KCND3: variants seen among roughly 807,000 people sequenced by gnomAD.
The protein encoded by KCND3 is A-type voltage-gated potassium channel KCND3.
In KCND3, 9 loss-of-function variants were observed where a neutral mutation model predicts 51.1. The observed-to-expected ratio is 0.18, with a 90% CI of 0.11 to 0.31. KCND3 has a LOEUF of 0.31. Ranked by LOEUF, KCND3 falls within the 10% of genes least tolerant of loss-of-function variation. KCND3 has a pLI of 1.00. For synonymous variants in KCND3, 349 were observed against 368.0 expected (o/e 0.95, Z 0.59); for missense variants, 526 against 903.8 (o/e 0.58, Z 5.36).
In KCND3 at chr1:111,812,863, C is replaced by T. The variant is rs530040354; in HGVS notation, c.1107-25757G>A. On this transcript the variant is annotated intron_variant, in intron 2 of 7. Coordinates refer to ENST00000302127, the MANE Select transcript of KCND3 (RefSeq NM_001378969.1). ...CACACACTACTGCTGTCCCATCCCTCGGATTTCTCTTGCTTGGTTCTGGCA... is the reference window on the plus strand; with the variant it reads ...CACACACTACTGCTGTCCCATCCCTTGGATTTCTCTTGCTTGGTTCTGGCA... Among the ~76,000 whole-genome samples, 12 of 152,316 alleles carry T rather than the reference C, an allele frequency of 7.9e-5. No individual in the cohort carries two copies. In the South Asian group the frequency reaches 1.0e-3, roughly 13 times the overall value.
chr1:111,838,616 C>T (rs973764858), intron 2 of KCND3, among the ~76,000 whole-genome samples: 15 of 152,140 alleles, frequency 9.9e-5, no homozygotes, highest in African/African-American at 3.4e-4. Flanking sequence ...GAGATCGCAC[C>T]ACTGCACTCC....
At position 111,800,514 on chromosome 1, in the gene KCND3, T is replaced by C. The variant is rs1366671413; in HGVS notation, c.1107-13408A>G. On this transcript the variant is annotated intron_variant, in intron 2 of 7. Transcript: ENST00000302127. The stretch of plus-strand genomic sequence containing the variant: ...CATGACCCTGCCAAATCCCCCTCTG[T>C]GAGAAACACCCAAGAATTATCAATA... Among the ~76,000 whole-genome samples the C allele has an allele frequency of 2.5e-4, 31 of 126,514 alleles. No homozygotes were observed. In the South Asian group the frequency reaches 5.1e-3, roughly 21 times the overall value. 83.0% of individuals were successfully genotyped at this position (126,514 alleles called of 152,430 possible). A position where few individuals can be genotyped will look rare whatever the true frequency, so the allele number is the denominator to read the frequency against.
chr1:111,788,650 A>G (rs1458768658), intron 2 of KCND3, among the ~76,000 whole-genome samples: 6 of 152,140 alleles, frequency 3.9e-5, no homozygotes, highest in African/African-American at 1.2e-4. Flanking sequence ...CCTGTGCTAG[A>G]GCCTTCTAGA....
rs1277401154 is a variant in KCND3 at position 111,818,044 on chromosome 1, A to G, written c.1107-30938T>C. On this transcript the variant is annotated intron_variant, in intron 2 of 7. Transcript: ENST00000302127. Reference sequence around the variant, plus strand: ...TTCCCATAGGCACACGCGCGTGCACACACACACACACACACACACACACAC... The same window carrying G: ...TTCCCATAGGCACACGCGCGTGCACGCACACACACACACACACACACACAC... Among the ~76,000 whole-genome samples, 282 of 31,410 alleles carry G rather than the reference A, an allele frequency of 9.0e-3. 3 individuals are homozygous for G. The highest frequency in any genetic ancestry group is 0.022 in the African/African-American group (273 of 12,544). The allele number at this position is 31,410 out of a possible 152,430, so 20.6% of individuals were successfully genotyped here.
chr1:111,976,834 A>T (rs1297505765), intron 2 of KCND3, among the ~76,000 whole-genome samples: 1 of 152,228 alleles, frequency 6.6e-6, no homozygotes, highest in Non-Finnish European at 1.5e-5. Flanking sequence ...GTCTCATTCA[A>T]TTCATGTTGC....
intron 2 of KCND3, among the ~76,000 whole-genome samples, chr1:111,902,615 A>C (rs1164462022): frequency 6.6e-6 from 1 of 152,220 alleles, no homozygotes; most frequent in Non-Finnish European, 1.5e-5. Flanking sequence ...CTAGTGGTCC[A>C]CAGGTCTGGG....
chr1:111,785,310 T>C (rs1321110509), intron 3 of KCND3, among the ~76,000 whole-genome samples: 1 of 152,196 alleles, frequency 6.6e-6, no homozygotes, highest in Non-Finnish European at 1.5e-5. Flanking sequence ...AGTTTCTGTA[T>C]AACAAATTTA....
At chr1:111,900,082 G>A (rs1670313218) in intron 2 of KCND3, among the ~76,000 whole-genome samples, 1 of 152,114 alleles carries the variant, frequency 6.6e-6, no homozygotes, top group South Asian at 2.1e-4. Context: ...CTGTAAGCAT[G>A]GTGCTGGGGG....
chr1:111,900,755 G>A (rs1164364673), intron 2 of KCND3, among the ~76,000 whole-genome samples: 2 of 151,954 alleles, frequency 1.3e-5, no homozygotes, highest in Non-Finnish European at 1.5e-5. Context: ...TCAGGAATTC[G>A]AGACCAGCCT....
At chr1:111,806,444 A>C (rs12096089) in intron 2 of KCND3, among the ~76,000 whole-genome samples, 14,163 of 152,220 alleles carry the variant, frequency 0.093, 1,225 homozygotes, top group African/African-American at 0.22. Flanking sequence ...GGGCTCAGAA[A>C]AATCGTGGTC....
chr1:111,898,259 T>G (rs560577239), intron 2 of KCND3, among the ~76,000 whole-genome samples: 1 of 152,306 alleles, frequency 6.6e-6, no homozygotes, highest in Admixed American at 6.5e-5. Context: ...TGATTCTACC[T>G]CTGGGTGGGA....
intron 2 of KCND3, among the ~76,000 whole-genome samples, chr1:111,846,176 C>T (rs1249476763): frequency 6.6e-6 from 1 of 152,178 alleles, no homozygotes; most frequent in African/African-American, 2.4e-5. Flanking sequence ...TAAGCTTGGT[C>T]AATAAGTGTA....
intron 2 of KCND3, among the ~76,000 whole-genome samples, chr1:111,816,914 G>A (rs189658232): frequency 1.3e-5 from 2 of 152,162 alleles, no homozygotes; most frequent in Non-Finnish European, 1.5e-5. Flanking sequence ...GCTCTGAGAC[G>A]CGCCTGTGTC....
chr1:111,887,848 C>T (rs1669637969), intron 2 of KCND3, among the ~76,000 whole-genome samples: 1 of 152,206 alleles, frequency 6.6e-6, no homozygotes, highest in Admixed American at 6.5e-5. Flanking sequence ...GGAGAGGGCT[C>T]TCCCAGGGAA....
At chr1:111,860,246 A>G (rs937442999) in intron 2 of KCND3, among the ~76,000 whole-genome samples, 2 of 152,248 alleles carry the variant, frequency 1.3e-5, no homozygotes, top group Admixed American at 1.3e-4. Context: ...AGAAGTAGCT[A>G]TTGTTAATCT....
intron 2 of KCND3, among the ~76,000 whole-genome samples, chr1:111,810,865 T>C (rs1447160151): frequency 1.3e-5 from 2 of 152,152 alleles, no homozygotes; most frequent in Non-Finnish European, 2.9e-5. Flanking sequence ...CTCCCTGGGG[T>C]CCAACAAATT....
intron 2 of KCND3, among the ~76,000 whole-genome samples, chr1:111,830,005 G>A (rs1447649861): frequency 6.6e-6 from 1 of 152,080 alleles, no homozygotes; most frequent in Admixed American, 6.5e-5. Flanking sequence ...GGTGGCTATT[G>A]TTCCAACTGC....
At position 111,801,767 on chromosome 1, in the gene KCND3, T is replaced by C. The variant is rs1055022076; in HGVS notation, c.1107-14661A>G. 2.2e-4 allele frequency among the ~76,000 whole-genome samples: 33 copies of C among 152,228 alleles called. 1 individual carries two copies. The highest frequency in any genetic ancestry group is 2.9e-5 in the Non-Finnish European group (2 of 68,030). The stretch of plus-strand genomic sequence containing the variant: ...TCCCCACGCTGTGCTGCCCTCCATC[T>C]TGGGCATCCTCTCTTCCCTTTTTCA... On this transcript the variant is annotated intron_variant, in intron 2 of 7. Transcript: ENST00000302127.
At chr1:111,986,940 C>G (rs189935545) in intron 1 of KCND3, among the ~76,000 whole-genome samples, 2 of 152,266 alleles carry the variant, frequency 1.3e-5, no homozygotes, top group East Asian at 3.9e-4. Context: ...TAAAGGAGAC[C>G]AAGCTCCCAG....
Sources: gnomAD v4.1 joint callset for allele counts (sites outside exome capture counted in the v4.1 genomes callset) on GRCh38, gnomAD v4.1.1 for gene constraint, MANE v1.5 for transcripts, NCBI Gene and HGNC (gene_info 2026-07-23, HGNC 2026-07-21) for gene names.